The following PRKG1 variants were observed in gnomAD, a reference collection of about 807,000 sequenced individuals.
PRKG1 encodes the protein cGMP-dependent protein kinase 1.
In PRKG1, 35 loss-of-function variants were observed where a neutral mutation model predicts 88.1. The observed-to-expected ratio is 0.40, with a 90% CI of 0.30 to 0.53. The LOEUF (loss-of-function observed/expected upper bound fraction) is 0.53, where lower values mean the gene tolerates loss of function less well. Ranked by LOEUF, PRKG1 falls within the 20% of genes least tolerant of loss-of-function variation. The pLI is 0.59. For missense variants in PRKG1, 540 were observed against 839.8 expected (o/e 0.64, Z 4.41); for synonymous variants, 303 against 292.5 (o/e 1.04, Z -0.37).
chr10:52,013,200 C>T (rs191135300), intron 5 of PRKG1, among the ~76,000 whole-genome samples: 4 of 152,138 alleles, frequency 2.6e-5, no homozygotes, highest in East Asian at 1.9e-4. Flanking sequence ...AGGAAGATCA[C>T]GAGGTCAGGA....
At chr10:52,091,757 C>T (rs1438686090) in intron 7 of PRKG1, among the ~76,000 whole-genome samples, 1 of 152,108 alleles carries the variant, frequency 6.6e-6, no homozygotes, top group African/African-American at 2.4e-5. Flanking sequence ...CTAAAGAAGA[C>T]ATTTGAGGTG....
rs182236947 is a variant in PRKG1 at position 51,127,041 on chromosome 10, T to C, written c.312-26123T>C. On this transcript the variant is annotated intron_variant, in intron 1 of 17. Coordinates refer to ENST00000373980, the MANE Select transcript of PRKG1 (RefSeq NM_006258.4). The stretch of plus-strand genomic sequence containing the variant: ...AAAACCTAGGCAATACCGTTCAAGA[T>C]GTAGGCATGGACAAAGATTTCATGA... Among the ~76,000 whole-genome samples, 14 of 152,226 alleles carry C rather than the reference T, an allele frequency of 9.2e-5. No individual in the cohort carries two copies. In the East Asian group the frequency reaches 2.7e-3, roughly 29 times the overall value.
chr10:51,924,493 T>G (rs891242370), intron 5 of PRKG1, among the ~76,000 whole-genome samples: 31 of 152,268 alleles, frequency 2.0e-4, no homozygotes, highest in African/African-American at 4.8e-4. Context: ...TTTCATCAGT[T>G]TGATGTGATA....
At chr10:51,402,671 AC>A (rs1326595672) in intron 2 of PRKG1, among the ~76,000 whole-genome samples, 2 of 152,204 alleles carry the variant, frequency 1.3e-5, no homozygotes, top group Non-Finnish European at 2.9e-5. Flanking sequence ...AGCTCCTGTA[AC>A]CTATTCACAG....
At chr10:51,658,777 G>A (rs180678712) in intron 3 of PRKG1, among the ~76,000 whole-genome samples, 90 of 151,630 alleles carry the variant, frequency 5.9e-4, no homozygotes, top group African/African-American at 1.9e-3. Flanking sequence ...TTTCTTCTAC[G>A]GTTTTCAGAA....
intron 2 of PRKG1, among the ~76,000 whole-genome samples, chr10:51,441,856 C>G (rs1274824565): frequency 1.3e-5 from 2 of 151,762 alleles, no homozygotes; most frequent in Admixed American, 6.6e-5. Flanking sequence ...ATTATTTTGC[C>G]TCTCATAGTT....
At chr10:52,057,476 C>T (rs1342732429) in intron 6 of PRKG1, among the ~76,000 whole-genome samples, 3 of 152,148 alleles carry the variant, frequency 2.0e-5, no homozygotes, top group East Asian at 3.9e-4. Context: ...CTATAAAGCA[C>T]CGAAGATTCC....
At chr10:52,270,163 G>A (rs1417736623) in intron 10 of PRKG1, among the ~76,000 whole-genome samples, 1 of 152,096 alleles carries the variant, frequency 6.6e-6, no homozygotes, top group Non-Finnish European at 1.5e-5. Context: ...ATAACAGTCT[G>A]CAGTCTCAGC....
intron 2 of PRKG1, among the ~76,000 whole-genome samples, chr10:51,253,956 A>G (rs1839489866): frequency 6.6e-6 from 1 of 151,982 alleles, no homozygotes; most frequent in South Asian, 2.1e-4. Context: ...AAATGTTGCC[A>G]TGTTTTTTGA....
chr10:52,181,423 T>C (rs1391636381), intron 9 of PRKG1, among the ~76,000 whole-genome samples: 1 of 144,376 alleles, frequency 6.9e-6, no homozygotes, highest in Non-Finnish European at 1.5e-5. Flanking sequence ...GCTCTTCTTT[T>C]TTTTTTTTTT....
chr10:51,897,228 A>G (rs541960000), intron 4 of PRKG1, among the ~76,000 whole-genome samples: 4 of 152,274 alleles, frequency 2.6e-5, no homozygotes, highest in African/African-American at 9.6e-5. Flanking sequence ...ATCAATATGG[A>G]TTGATTTTTT....
At chr10:51,491,320 C>G (rs1002812923) in intron 3 of PRKG1, among the ~76,000 whole-genome samples, 3 of 152,042 alleles carry the variant, frequency 2.0e-5, no homozygotes, top group African/African-American at 7.2e-5. Context: ...GTCAGACCTC[C>G]TAAAGGAATT....
chr10:51,209,551 A>T (rs1334860477), intron 2 of PRKG1, among the ~76,000 whole-genome samples: 1 of 152,214 alleles, frequency 6.6e-6, no homozygotes, highest in Non-Finnish European at 1.5e-5. Context: ...AGTTACTAAC[A>T]TGATTGACAA....
At chr10:51,269,617 G>A (rs1379446653) in intron 2 of PRKG1, among the ~76,000 whole-genome samples, 3 of 152,150 alleles carry the variant, frequency 2.0e-5, no homozygotes, top group Non-Finnish European at 4.4e-5. Context: ...CTCAGGGATG[G>A]AAAGCCAAAT....
At chr10:51,524,261 C>G (rs1167204782) in intron 3 of PRKG1, among the ~76,000 whole-genome samples, 1 of 152,074 alleles carries the variant, frequency 6.6e-6, no homozygotes, top group Non-Finnish European at 1.5e-5. Flanking sequence ...TTGTTTATGG[C>G]AATCTGAGAA....
intron 5 of PRKG1, among the ~76,000 whole-genome samples, chr10:51,997,469 C>CA (rs200543963): frequency 0.036 from 2,537 of 71,208 alleles, 61 homozygotes; most frequent in Middle Eastern, 0.098. Context: ...GACTCTGTCT[C>CA]AAAAAAAAAA....
chr10:51,204,353 T>C (rs1472653233), intron 2 of PRKG1, among the ~76,000 whole-genome samples: 4 of 148,944 alleles, frequency 2.7e-5, no homozygotes, highest in Non-Finnish European at 5.9e-5. Flanking sequence ...ATTTAGATTA[T>C]TTGAGTAGAC....
chr10:52,063,371 G>A (rs536301496), intron 7 of PRKG1, among the ~76,000 whole-genome samples: 6 of 152,308 alleles, frequency 3.9e-5, no homozygotes, highest in Non-Finnish European at 7.4e-5. Context: ...GAATGTGGTC[G>A]TGCCTGGAAG....
At chr10:51,546,797 GAAAGGCTTC>G (rs1408085956) in intron 3 of PRKG1, among the ~76,000 whole-genome samples, 4 of 152,030 alleles carry the variant, frequency 2.6e-5, no homozygotes, top group Non-Finnish European at 5.9e-5. Flanking sequence ...CTTATGGCTA[GAAAGGCTTC>G]ATGGGCATCC....
Sources: gnomAD v4.1 joint callset for allele counts (sites outside exome capture counted in the v4.1 genomes callset) on GRCh38, gnomAD v4.1.1 for gene constraint, MANE v1.5 for transcripts, NCBI Gene and HGNC (gene_info 2026-07-23, HGNC 2026-07-21) for gene names.